Variants in TLN1 observed in about 807,000 individuals in gnomAD.
TLN1 encodes talin 1, also known as talin-1.
Under a neutral mutation model 292.3 loss-of-function variants are expected in TLN1, and 56 were observed. The ratio of observed to expected loss-of-function variants is 0.19; its 90% CI spans 0.15 to 0.24. TLN1 has a LOEUF of 0.24. Ranked by LOEUF, TLN1 falls within the 10% of genes least tolerant of loss-of-function variation. The pLI, the probability that TLN1 is intolerant of heterozygous loss-of-function variation, is 1.00. For synonymous variants in TLN1, 1,119 were observed against 1,253.7 expected (o/e 0.89, Z 2.27); for missense variants, 2,433 against 3,248.2 (o/e 0.75, Z 6.10).
At chr9:35,728,722 C>T (rs1330328168) in intron 1 of TLN1, among the ~76,000 whole-genome samples, 1 of 152,214 alleles carries the variant, frequency 6.6e-6, no homozygotes, top group Non-Finnish European at 1.5e-5. Context: ...ACACCCGGCA[C>T]CCAGTGTCTC....
chr9:35,713,269 G>A lies in TLN1; in HGVS notation c.3279C>T (p.Asn1093=). ...TMEKCTQDLG[N]STKAVSSAIA... is the part of the protein sequence containing the mutation. The stretch of plus-strand genomic sequence containing the variant: ...TGGCTGAGCTCACGGCTTTGGTGCT[G>A]TTGCCCAGGTCCTGGGTACACTTCT... Residue 1093 remains asparagine, a synonymous_variant, in exon 26 of 57, where the codon AAC becomes AAT. Transcript: ENST00000314888. 1 of 1,596,226 alleles carries A rather than the reference G, an allele frequency of 6.3e-7. No individual in the cohort carries two copies. The highest frequency in any genetic ancestry group is 8.6e-7 in the Non-Finnish European group (1 of 1,165,088).
At chr9:35,721,999 AG>A (rs1484362155) in intron 9 of TLN1, 119 bp downstream of exon 9, 48 of 1,174,422 alleles carry the variant, frequency 4.1e-5, no homozygotes, top group Non-Finnish European at 5.7e-5. Flanking sequence ...AGCAAGGAAG[AG>A]AATGGGAATC....
At chr9:35,727,508 T>C (rs1228911209) in intron 1 of TLN1, among the ~76,000 whole-genome samples, 1 of 152,036 alleles carries the variant, frequency 6.6e-6, no homozygotes. Flanking sequence ...GAACCACAGC[T>C]CTCTGTCTTT....
At chr9:35,702,311 C>T (rs1424535054) in intron 48 of TLN1, among the ~76,000 whole-genome samples, 1 of 152,146 alleles carries the variant, frequency 6.6e-6, no homozygotes, top group Non-Finnish European at 1.5e-5. Context: ...TGGATGTCTG[C>T]TTCTTACAGA....
At chr9:35,705,381 G>A (rs1009137263) in intron 43 of TLN1, among the ~76,000 whole-genome samples, 170 bp downstream of exon 43, 2 of 152,192 alleles carry the variant, frequency 1.3e-5, no homozygotes, top group African/African-American at 4.8e-5. Flanking sequence ...TGTGACTGAA[G>A]GCTTTGATCC....
At position 35,699,084 on chromosome 9, in the gene TLN1, A is replaced by G. The variant is rs1825418984; in HGVS notation, c.6947T>C (p.Ile2316Thr). The change falls in exon 52 of 57, where the codon ATT becomes ACT. Residue 2316 changes from isoleucine to threonine, a missense_variant. Ile to Thr is a moderately conservative substitution (Grantham distance 89). Transcript: ENST00000314888. This position sits in a 1 kb window ranked among gnomAD's most constrained non-coding sequence, Gnocchi z 4.0. ...ENELLGAAAA[I>T]EAAAKKLEQL... The stretch of plus-strand genomic sequence containing the variant: ...CTCTAGCTTTTTGGCTGCAGCCTCA[A>G]TGGCGGCTGCAGCTCCCAGGAGCTC... 1 of 1,613,986 alleles carries G rather than the reference A, an allele frequency of 6.2e-7. No individual in the cohort carries two copies. The highest frequency in any genetic ancestry group is 8.5e-7 in the Non-Finnish European group (1 of 1,179,916).
intron 21 of TLN1, 26 bp downstream of exon 21, chr9:35,715,033 G>A: frequency 6.2e-7 from 1 of 1,612,522 alleles, no homozygotes; most frequent in Non-Finnish European, 8.5e-7. Flanking sequence ...ACTCTCTCTT[G>A]CTCCTGGTGA....
rs1825406481 is a variant in TLN1 at position 35,698,481 on chromosome 9, T to C, written c.7213A>G (p.Asn2405Asp). Residue 2405 changes from asparagine to aspartate, a missense_variant, in exon 55 of 57, where the codon AAC (asparagine) becomes GAC (aspartate). Asn to Asp is a conservative substitution (Grantham distance 23). Coordinates refer to ENST00000314888, the MANE Select transcript of TLN1 (RefSeq NM_006289.4). This position sits in a 1 kb window ranked among gnomAD's most constrained non-coding sequence, Gnocchi z 5.3. ...SAARMVAAAT[N>D]NLCEAANAAV... The stretch of plus-strand genomic sequence containing the variant: ...GCATTGGCTGCCTCACACAGATTGT[T>C]GGTGGCCGCAGCCACCATCCGGGCC... 1.2e-6 allele frequency: 2 copies of C among 1,613,990 alleles called. No individual in the cohort carries two copies. The highest frequency in any genetic ancestry group is 4.5e-5 in the East Asian group (2 of 44,892).
chr9:35,707,089 C>G lies in TLN1; in HGVS notation c.4938G>C (p.Lys1646Asn), dbSNP rs1825577635. 3.1e-6 allele frequency: 5 copies of G among 1,612,684 alleles called. No individual in the cohort carries two copies. The African/African-American group carries it at 5.3e-5, about 17-fold the overall frequency. ...CTCAATACCTCATGCTTGTAATTAG[C>G]TTCTTGATGGAGTCTGAGACAGTAC... ...HSRTVSDSIK[K>N]LITSMRDKAP... Residue 1646 changes from lysine to asparagine, a missense_variant, in exon 37 of 57, where the codon AAG becomes AAC. By Grantham distance (94) the Lys-to-Asn change is moderately conservative (BLOSUM62 0). Around this residue, in one of 7 missense-constraint regions of TLN1, gnomAD observed 1,384 missense variants for 1,699.6 expected, o/e 0.81. Transcript: ENST00000314888. This position sits in a 1 kb window ranked among gnomAD's most constrained non-coding sequence, Gnocchi z 5.6.
Position 35,720,461 on chromosome 9 carries a change from T to C in TLN1, c.1255A>G (p.Met419Val), listed in dbSNP as rs1208571911. 12 of 1,614,018 alleles carry C rather than the reference T, an allele frequency of 7.4e-6. No individual in the cohort carries two copies. The highest frequency in any genetic ancestry group is 9.3e-6 in the Non-Finnish European group (11 of 1,180,026). The part of the protein sequence containing the change: ...FGLEGDEEST[M>V]LEDSVSPKKS... ...TTGGGGGACACTGAGTCCTCCAGCA[T>C]AGTAGACTCCTCATCTCCTTCCAGC... Residue 419 changes from methionine to valine, a missense_variant, in exon 12 of 57, where the codon ATG (methionine) becomes GTG (valine). Physicochemically the swap from Met to Val is conservative, Grantham distance 21. Coordinates refer to ENST00000314888, the MANE Select transcript of TLN1 (RefSeq NM_006289.4).
intron 33 of TLN1, among the ~76,000 whole-genome samples, chr9:35,709,906 AAAAAAAAAGAAAGTAGTG>A (rs1489250242): frequency 7.7e-6 from 1 of 129,666 alleles, no homozygotes; most frequent in African/African-American, 2.9e-5. Flanking sequence ...AAAAAAAAAA[AAAAAAAAAGAAAGTAGTG>A]ATTACAGGCC....
chr9:35,710,421 CAGG>C, intron 33 of TLN1, 137 bp downstream of exon 33: 6 of 1,217,022 alleles, frequency 4.9e-6, no homozygotes, highest in East Asian at 4.7e-5. Flanking sequence ...GTCTCCACTT[CAGG>C]AGGAGGACAA....
chr9:35,722,114 C>G lies in TLN1; in HGVS notation c.948+5G>C, dbSNP rs1468883118. The G allele has an allele frequency of 1.2e-6, 2 of 1,613,338 alleles. No homozygotes were observed. Among genetic ancestry groups the G allele is most frequent in the East Asian group, 4.5e-5 (2 of 44,880 alleles). ...GGAGGGCAGTGAAAAGGGCCCATAACCTACCTTCACCAGGAAGAAGGAGAC... is the reference window on the plus strand; with the variant it reads ...GGAGGGCAGTGAAAAGGGCCCATAAGCTACCTTCACCAGGAAGAAGGAGAC... On this transcript the variant is annotated splice_donor_5th_base_variant and intron_variant, in intron 9 of 56. Transcript: ENST00000314888.
intron 48 of TLN1, 104 bp downstream of exon 48, chr9:35,703,456 A>G (rs1825504000): frequency 9.1e-7 from 1 of 1,094,476 alleles, no homozygotes; most frequent in African/African-American, 1.5e-5. Flanking sequence ...GAGAGAGAAG[A>G]CTGTGTGTGA....
intron 48 of TLN1, among the ~76,000 whole-genome samples, chr9:35,702,013 AG>A (rs1825474418): frequency 6.6e-6 from 1 of 152,214 alleles, no homozygotes; most frequent in Non-Finnish European, 1.5e-5. Flanking sequence ...GGAGAGTGGC[AG>A]GGACCAGAAG....
Position 35,704,617 on chromosome 9 carries a change from G to C in TLN1, c.5880+52C>G. Reference sequence around the variant, plus strand: ...GAGAGGGCTGGAGGAGGATGGCAAAGGCTACAGAGTTTGGAGGCAGTCCCA... The same window carrying C: ...GAGAGGGCTGGAGGAGGATGGCAAACGCTACAGAGTTTGGAGGCAGTCCCA... On this transcript the variant is annotated intron_variant, in intron 44 of 56. Transcript: ENST00000314888. The surrounding 1 kb of genome is among the most constrained non-coding windows in gnomAD (Gnocchi z 6.9). 1 of 1,606,726 alleles carries C rather than the reference G, an allele frequency of 6.2e-7. No individual in the cohort carries two copies. The highest frequency in any genetic ancestry group is 8.5e-7 in the Non-Finnish European group (1 of 1,175,622).
rs1825953607 is a variant in TLN1, at chr9:35,725,287, G to A, written c.165C>T (p.Asp55=). 6.2e-6 allele frequency: 10 copies of A among 1,614,156 alleles called. No individual in the cohort carries two copies. The highest frequency in any genetic ancestry group is 8.5e-6 in the Non-Finnish European group (10 of 1,180,018). Residue 55 remains aspartate (D), a synonymous_variant, in exon 3 of 57, where the codon GAC becomes GAT. Transcript: ENST00000314888. ...CCTCCAGCCATATACCCTTTTTGGG[G>A]TCATCATCTGACAGAAAGAGCCCAA... is the stretch of plus-strand genomic sequence containing the variant. ...SDFGLFLSDD[D]PKKGIWLEAG... is the part of the protein sequence containing the mutation.
Position 35,706,117 on chromosome 9 carries a change from G to A in TLN1, c.5362-6C>T. The stretch of plus-strand genomic sequence containing the variant: ...TCCTGGGTGTGAGCTGCTTGCTGTG[G>A]GGAGAGGAGAGGAGCTCTGTTGTTC... On this transcript the variant is annotated splice_region_variant and splice_polypyrimidine_tract_variant and intron_variant, in intron 40 of 56. Coordinates refer to ENST00000314888, the MANE Select transcript of TLN1 (RefSeq NM_006289.4). The surrounding 1 kb of genome is among the most constrained non-coding windows in gnomAD (Gnocchi z 4.2). 1 of 1,614,030 alleles carries A rather than the reference G, an allele frequency of 6.2e-7. No homozygotes were observed. The highest frequency in any genetic ancestry group is 1.3e-5 in the African/African-American group (1 of 75,046).
chr9:35,717,636 G>T lies in TLN1; in HGVS notation c.2146C>A (p.Leu716Ile). 1 of 1,613,630 alleles carries T rather than the reference G, an allele frequency of 6.2e-7. No individual in the cohort carries two copies. Among genetic ancestry groups the T allele is most frequent in the Non-Finnish European group, 8.5e-7 (1 of 1,179,572 alleles). Reference protein sequence around the residue: ...ATQCALSTSQLVACTKVVAPT... With the variant: ...ATQCALSTSQIVACTKVVAPT... ...GGGCTCACCTTAGTACAGGCCACTA[G>T]TTGGGAAGTGGATAGGGCACACTGT... The change falls in exon 18 of 57, where the codon CTA becomes ATA. Residue 716 changes from leucine to isoleucine, a missense_variant. Physicochemically the swap from Leu to Ile is conservative, Grantham distance 5. Around this residue, in one of 7 missense-constraint regions of TLN1, gnomAD observed 617 missense variants for 770.6 expected, o/e 0.80. Transcript: ENST00000314888. This position sits in a 1 kb window ranked among gnomAD's most constrained non-coding sequence, Gnocchi z 4.7.
Sources: allele counts gnomAD v4.1 joint callset (sites outside exome capture counted in the v4.1 genomes callset), GRCh38; gene constraint gnomAD v4.1.1; regional missense constraint gnomAD v4.1.1; non-coding constraint Gnocchi (gnomAD v3.1); transcripts MANE v1.5; gene names NCBI Gene and HGNC (gene_info 2026-07-23, HGNC 2026-07-21).